ZFHX3: variants seen among roughly 807,000 people sequenced by gnomAD.
ZFHX3 encodes the protein zinc finger homeobox 3.
A neutral mutation model predicts 279.1 loss-of-function variants in ZFHX3; 42 were observed. The ratio of observed to expected loss-of-function variants is 0.15; its 90% CI spans 0.12 to 0.19. The LOEUF (loss-of-function observed/expected upper bound fraction) is 0.19, where lower values mean the gene tolerates loss of function less well. ZFHX3 is among the 10% of genes least tolerant of loss of function. The pLI, the probability that ZFHX3 is intolerant of heterozygous loss-of-function variation, is 1.00. For missense variants in ZFHX3, 4,981 were observed against 4,754.0 expected (o/e 1.05, Z -1.40); for synonymous variants, 2,293 against 1,957.8 (o/e 1.17, Z -4.52).
intron 3 of ZFHX3, among the ~76,000 whole-genome samples, chr16:72,905,009 T>C (rs75693308): frequency 0.014 from 2,070 of 152,146 alleles, 35 homozygotes; most frequent in African/African-American, 0.043. Flanking sequence ...TTTTTGTATT[T>C]TTGCATTTTT....
intron 4 of ZFHX3, among the ~76,000 whole-genome samples, chr16:73,277,874 C>G (rs1420300164): frequency 6.6e-6 from 1 of 152,100 alleles, no homozygotes; most frequent in East Asian, 1.9e-4. Flanking sequence ...AAAGTGGGAG[C>G]AAGGTGTCTT....
At chr16:73,034,450 A>T (rs1964826911) in intron 1 of ZFHX3, among the ~76,000 whole-genome samples, 1 of 152,206 alleles carries the variant, frequency 6.6e-6, no homozygotes, top group Admixed American at 6.5e-5. Context: ...CAGTCCCTGG[A>T]CTAGCCAAAC....
chr16:73,252,734 G>A (rs1051752162), intron 5 of ZFHX3, among the ~76,000 whole-genome samples: 1 of 152,076 alleles, frequency 6.6e-6, no homozygotes, highest in Non-Finnish European at 1.5e-5. Context: ...GAAGAGAGAC[G>A]TCAGGACAGG....
At chr16:73,739,156 C>T (rs1271686821) in intron 1 of ZFHX3, among the ~76,000 whole-genome samples, 1 of 152,198 alleles carries the variant, frequency 6.6e-6, no homozygotes, top group Admixed American at 6.5e-5. Context: ...CTCTGCATTG[C>T]ACTTGCTCCC....
intron 2 of ZFHX3, among the ~76,000 whole-genome samples, chr16:73,541,264 C>T (rs549139465): frequency 6.6e-6 from 1 of 152,238 alleles, no homozygotes; most frequent in African/African-American, 2.4e-5. Flanking sequence ...GCGGGAGGAT[C>T]ACTTAAGGCC....
intron 2 of ZFHX3, among the ~76,000 whole-genome samples, chr16:73,581,776 T>A (rs1474679734): frequency 6.7e-6 from 1 of 148,826 alleles, no homozygotes; most frequent in African/African-American, 2.5e-5. Flanking sequence ...GTTCAACCGA[T>A]TTTCCTGTCT....
chr16:73,849,149 A>G (rs1418004103), intron 1 of ZFHX3, among the ~76,000 whole-genome samples: 1 of 152,202 alleles, frequency 6.6e-6, no homozygotes, highest in African/African-American at 2.4e-5. Flanking sequence ...TTTGCACAGT[A>G]TACATCTATA....
intron 2 of ZFHX3, among the ~76,000 whole-genome samples, chr16:73,579,146 C>A (rs1249895776): frequency 6.6e-6 from 1 of 152,226 alleles, no homozygotes; most frequent in East Asian, 1.9e-4. Flanking sequence ...CCAGACATCA[C>A]TTTCTATTGA....
rs1247926486 is a variant in ZFHX3 at position 72,889,817 on chromosome 16, A to AGCTTTCGCAGGC, written c.3350_3361dup (p.Lys1120_Leu1121insArgLeuArgLys). The AGCTTTCGCAGGC allele has an allele frequency of 6.2e-7, 1 of 1,613,812 alleles. No individual in the cohort carries two copies. Among genetic ancestry groups the AGCTTTCGCAGGC allele is most frequent in the Non-Finnish European group, 8.5e-7 (1 of 1,180,060 alleles). On this transcript the variant is annotated inframe_insertion, in exon 4 of 10. Transcript: ENST00000268489. ...TGGAAGGCCCTTCTGCAGCCGCTGC[A>AGCTTTCGCAGGC]GCTTTCGCAGGCTCTCGCTTCGCTG...
chr16:73,536,741 G>A (rs548898078), intron 2 of ZFHX3, among the ~76,000 whole-genome samples: 51 of 152,218 alleles, frequency 3.4e-4, no homozygotes, highest in African/African-American at 1.1e-3. Flanking sequence ...GGTTTTCTCC[G>A]TCTCACTCCT....
At chr16:73,856,360 G>C (rs1293679761) in intron 1 of ZFHX3, among the ~76,000 whole-genome samples, 1 of 152,112 alleles carries the variant, frequency 6.6e-6, no homozygotes, top group African/African-American at 2.4e-5. Context: ...AAACAAGGTT[G>C]GACGCAGTAA....
intron 3 of ZFHX3, chr16:73,400,933 G>C (rs973744370): frequency 1.3e-5 from 2 of 152,126 alleles, no homozygotes; most frequent in Non-Finnish European, 2.9e-5. Context: ...TTCTCTACCT[G>C]CCCCGGAAGC....
intron 5 of ZFHX3, among the ~76,000 whole-genome samples, chr16:73,219,881 T>C (rs1024447571): frequency 1.3e-5 from 2 of 151,718 alleles, no homozygotes. Flanking sequence ...AGGTCAGGAG[T>C]TGGAGACCAG....
rs1341939337 is a variant in ZFHX3 at position 72,793,657 on chromosome 16, C to T, written c.9025G>A (p.Ala3009Thr). The T allele has an allele frequency of 6.2e-7, 1 of 1,614,064 alleles. No homozygotes were observed. Among genetic ancestry groups the T allele is most frequent in the Admixed American group, 1.7e-5 (1 of 60,006 alleles). ...GTTTGGTTTATACCAAAATGCTTGG[C>T]CATGCTTAACTTGGACTTCTTTTCT... ...AKEKKSKLSM[A>T]KHFGINQTSY... Residue 3009 changes from alanine (A) to threonine (T), a missense_variant, in exon 9 of 10, where the codon GCC becomes ACC. By Grantham distance (58) the Ala-to-Thr change is moderately conservative. This residue lies in a region of ZFHX3 where 168 missense variants were observed against 249.1 expected (regional missense o/e 0.67). Coordinates refer to ENST00000268489, the MANE Select transcript of ZFHX3 (RefSeq NM_006885.4). The surrounding 1 kb of genome is among the most constrained non-coding windows in gnomAD (Gnocchi z 4.3).
intron 3 of ZFHX3, among the ~76,000 whole-genome samples, chr16:72,911,809 G>A (rs547078825): frequency 4.6e-4 from 70 of 152,250 alleles, no homozygotes; most frequent in Admixed American, 1.8e-3. Flanking sequence ...TCTAGTGGAC[G>A]GTGCTGAATT....
intron 1 of ZFHX3, among the ~76,000 whole-genome samples, chr16:73,808,810 T>C (rs1960352322): frequency 6.6e-6 from 1 of 152,166 alleles, no homozygotes; most frequent in South Asian, 2.1e-4. Flanking sequence ...GCATATAGTA[T>C]GCAGAGTATA....
intron 7 of ZFHX3, among the ~76,000 whole-genome samples, chr16:73,128,460 T>G (rs1446876655): frequency 6.6e-6 from 1 of 152,176 alleles, no homozygotes; most frequent in Non-Finnish European, 1.5e-5. Context: ...GAATTCCCCA[T>G]GGTCACACAG....
chr16:73,153,264 G>C (rs1360397658), intron 5 of ZFHX3, among the ~76,000 whole-genome samples: 1 of 152,162 alleles, frequency 6.6e-6, no homozygotes, highest in Non-Finnish European at 1.5e-5. Flanking sequence ...TGCACCTTGG[G>C]ATGAATTTTG....
chr16:73,150,737 A>AAAC (rs1966920035), intron 5 of ZFHX3, among the ~76,000 whole-genome samples: 1 of 152,198 alleles, frequency 6.6e-6, no homozygotes, highest in African/African-American at 2.4e-5. Flanking sequence ...AATAAATTGC[A>AAAC]AACTCCCGGA....
Sources: allele counts gnomAD v4.1 joint callset (sites outside exome capture counted in the v4.1 genomes callset), GRCh38; gene constraint gnomAD v4.1.1; regional missense constraint gnomAD v4.1.1; non-coding constraint Gnocchi (gnomAD v3.1); transcripts MANE v1.5; gene names NCBI Gene and HGNC (gene_info 2026-07-23, HGNC 2026-07-21).